The following EXPH5 variants were observed in gnomAD, a reference collection of about 807,000 sequenced individuals.
EXPH5 encodes the protein exophilin-5.
In EXPH5, 42 loss-of-function variants were observed where a neutral mutation model predicts 41.1. The observed-to-expected ratio is 1.02, with a 90% CI of 0.80 to 1.32. The LOEUF is 1.32. EXPH5 is among the 40% of genes most tolerant of loss of function. The pLI is 0.00. For synonymous variants in EXPH5, 798 were observed against 833.5 expected (o/e 0.96, Z 0.73); for missense variants, 2,298 against 2,314.5 (o/e 0.99, Z 0.15).
chr11:108,549,114 A>G (rs1364681014), intron 1 of EXPH5, among the ~76,000 whole-genome samples: 2 of 152,264 alleles, frequency 1.3e-5, no homozygotes, highest in Non-Finnish European at 2.9e-5. Flanking sequence ...ACATACATAC[A>G]GGGAAATTAC....
chr11:108,586,201 C>T lies in EXPH5; in HGVS notation c.119+7217G>A, dbSNP rs1314875352. Among the ~76,000 whole-genome samples, 10 of 152,066 alleles carry T rather than the reference C, an allele frequency of 6.6e-5. 1 individual carries two copies. In the East Asian group the frequency reaches 9.7e-4, roughly 15 times the overall value. On this transcript the variant is annotated intron_variant, in intron 1 of 5. Coordinates refer to ENST00000265843, the MANE Select transcript of EXPH5 (RefSeq NM_015065.3). ...GAAACCTCAAGTGATTCTCCTACCT[C>T]GGCCTCCCGAAGTGTTGGGATTACA...
At position 108,511,683 on chromosome 11, in the gene EXPH5, G is replaced by A. The variant is rs748348464; in HGVS notation, c.3824C>T (p.Thr1275Ile). The change falls in exon 6 of 6, where the codon ACT becomes ATT. Residue 1275 changes from threonine to isoleucine, a missense_variant. Coordinates refer to ENST00000265843, the MANE Select transcript of EXPH5 (RefSeq NM_015065.3). ...TTGAGGTGATTCTATAAGTAAATTAGTATTTTGTGTATACTGTTGAAGGAG... is the reference window on the plus strand; with the variant it reads ...TTGAGGTGATTCTATAAGTAAATTAATATTTTGTGTATACTGTTGAAGGAG... ...CNLLQQYTQNTNLLIESPQVE... is the reference protein window; with the variant it reads ...CNLLQQYTQNINLLIESPQVE... The A allele has an allele frequency of 1.2e-6, 2 of 1,604,332 alleles. No individual in the cohort carries two copies. The highest frequency in any genetic ancestry group is 4.5e-5 in the East Asian group (2 of 44,874).
chr11:108,517,988 A>G (rs985579494), intron 5 of EXPH5, among the ~76,000 whole-genome samples: 1 of 152,148 alleles, frequency 6.6e-6, no homozygotes, highest in Non-Finnish European at 1.5e-5. Flanking sequence ...AATATTAAAC[A>G]TTATTACTAC....
At chr11:108,528,264 A>G in intron 3 of EXPH5, 80 bp from the exon 4 acceptor site, 5 of 965,744 alleles carry the variant, frequency 5.2e-6, no homozygotes, top group Admixed American at 1.8e-5. Flanking sequence ...CACATTTGCC[A>G]TAAGATTTTG....
At chr11:108,560,814 G>A (rs1213582038) in intron 1 of EXPH5, among the ~76,000 whole-genome samples, 1 of 152,098 alleles carries the variant, frequency 6.6e-6, no homozygotes, top group Non-Finnish European at 1.5e-5. Context: ...TTGATTTTGT[G>A]TAAAAGATAT....
At chr11:108,582,150 C>T (rs778819039) in intron 1 of EXPH5, among the ~76,000 whole-genome samples, 4 of 152,164 alleles carry the variant, frequency 2.6e-5, no homozygotes, top group Non-Finnish European at 4.4e-5. Context: ...GCTAGAATTA[C>T]TGACACCAAA....
intron 1 of EXPH5, among the ~76,000 whole-genome samples, chr11:108,577,493 G>A (rs918079577): frequency 4.0e-5 from 6 of 151,678 alleles, no homozygotes; most frequent in South Asian, 2.1e-4. Context: ...GCGCGATCTC[G>A]GCTCACTGCA....
upstream of EXPH5, among the ~76,000 whole-genome samples, chr11:108,598,202 C>A (rs555049814): frequency 3.2e-4 from 49 of 152,256 alleles, no homozygotes; most frequent in African/African-American, 1.1e-3. Flanking sequence ...GAAGAACTTA[C>A]GTGTACAAAT....
chr11:108,571,469 T>C (rs1032731721), intron 1 of EXPH5, among the ~76,000 whole-genome samples: 1 of 152,146 alleles, frequency 6.6e-6, no homozygotes, highest in Non-Finnish European at 1.5e-5. Flanking sequence ...AGAAGGCCAT[T>C]GTCAGAATTC....
intron 1 of EXPH5, among the ~76,000 whole-genome samples, chr11:108,557,588 T>C (rs2093995464): frequency 1.3e-5 from 2 of 152,156 alleles, no homozygotes; most frequent in Non-Finnish European, 2.9e-5. Context: ...CCTCAAGTGA[T>C]TCGTTCTCCT....
rs1416357854 is a variant in EXPH5, at chr11:108,518,389, A to G, written c.493-16T>C. 2 of 1,612,316 alleles carry G rather than the reference A, an allele frequency of 1.2e-6. No homozygotes were observed. Among genetic ancestry groups the G allele is most frequent in the East Asian group, 2.2e-5 (1 of 44,860 alleles). On this transcript the variant is annotated splice_polypyrimidine_tract_variant and intron_variant, in intron 4 of 5. Coordinates refer to ENST00000265843, the MANE Select transcript of EXPH5 (RefSeq NM_015065.3). ...TTTTTGCCTGCTAATTTTAAAGCAG[A>G]GAACACAATATTATTTCTGAGCCTT...
At position 108,593,701 on chromosome 11, in the gene EXPH5, G is replaced by A. The variant is rs760487608; in HGVS notation, c.-165C>T. 8.4e-6 allele frequency: 13 copies of A among 1,544,568 alleles called. No individual in the cohort carries two copies. Reference sequence around the variant, plus strand: ...ACAAACCTAGGGAACGCCCACACCTGAAGGGCTCATATTGACAATACCTTA... The same window carrying A: ...ACAAACCTAGGGAACGCCCACACCTAAAGGGCTCATATTGACAATACCTTA... On this transcript the variant is annotated 5_prime_UTR_variant, in exon 1 of 6. Coordinates refer to ENST00000265843, the MANE Select transcript of EXPH5 (RefSeq NM_015065.3).
intron 3 of EXPH5, among the ~76,000 whole-genome samples, chr11:108,532,368 T>TATACATATATATA (rs1565800742): frequency 3.7e-5 from 1 of 27,162 alleles, no homozygotes; most frequent in Non-Finnish European, 6.2e-5. Context: ...ATATATATAT[T>TATACATATATATA]TTTTTTTTTT....
chr11:108,514,733 C>T lies in EXPH5; in HGVS notation c.774G>A (p.Arg258=), dbSNP rs2093712337. 6.2e-7 allele frequency: 1 copy of T among 1,610,062 alleles called. No homozygotes were observed. The highest frequency in any genetic ancestry group is 8.5e-7 in the Non-Finnish European group (1 of 1,178,848). The change falls in exon 6 of 6, where the codon AGG becomes AGA. Residue 258 remains arginine (R), a synonymous_variant. Coordinates refer to ENST00000265843, the MANE Select transcript of EXPH5 (RefSeq NM_015065.3). ...SGNRHGNITE[R]HKKHYNETSN... is the part of the protein sequence containing the mutation. ...AAGTTTCATTATAGTGTTTTTTGTGCCTTTCTGTGATATTACCATGTCTGT... is the reference window on the plus strand; with the variant it reads ...AAGTTTCATTATAGTGTTTTTTGTGTCTTTCTGTGATATTACCATGTCTGT...
At chr11:108,582,506 A>G (rs1403605576) in intron 1 of EXPH5, among the ~76,000 whole-genome samples, 2 of 152,058 alleles carry the variant, frequency 1.3e-5, no homozygotes, top group Non-Finnish European at 2.9e-5. Flanking sequence ...AAAACTATAT[A>G]TCAGTACCTC....
chr11:108,593,694 C>A lies in EXPH5; in HGVS notation c.-158G>T. On this transcript the variant is annotated 5_prime_UTR_variant, in exon 1 of 6. Coordinates refer to ENST00000265843, the MANE Select transcript of EXPH5 (RefSeq NM_015065.3). ...TAAAACCACAAACCTAGGGAACGCCCACACCTGAAGGGCTCATATTGACAA... is the reference window on the plus strand; with the variant it reads ...TAAAACCACAAACCTAGGGAACGCCAACACCTGAAGGGCTCATATTGACAA... The A allele has an allele frequency of 6.5e-7, 1 of 1,548,284 alleles. No homozygotes were observed.
rs770045829 is a variant in EXPH5, at chr11:108,511,692, G to A, written c.3815C>T (p.Thr1272Ile). The change falls in exon 6 of 6, where the codon ACA (threonine) becomes ATA (isoleucine). Residue 1272 changes from threonine (T) to isoleucine (I), a missense_variant. By Grantham distance (89) the Thr-to-Ile change is moderately conservative (BLOSUM62 -1). Transcript: ENST00000265843. ...KKFCNLLQQYTQNTNLLIESP... is the reference protein window; with the variant it reads ...KKFCNLLQQYIQNTNLLIESP... Reference sequence around the variant, plus strand: ...TTCTATAAGTAAATTAGTATTTTGTGTATACTGTTGAAGGAGGTTACAGAA... The same window carrying A: ...TTCTATAAGTAAATTAGTATTTTGTATATACTGTTGAAGGAGGTTACAGAA... The A allele has an allele frequency of 2.5e-6, 4 of 1,606,308 alleles. No homozygotes were observed. In the Admixed American group the frequency reaches 5.2e-5, roughly 21 times the overall value.
chr11:108,524,222 G>A (rs1397230644), intron 4 of EXPH5, among the ~76,000 whole-genome samples: 1 of 152,220 alleles, frequency 6.6e-6, no homozygotes, highest in Non-Finnish European at 1.5e-5. Flanking sequence ...CTTTGGGCAA[G>A]TTATCTAATC....
At chr11:108,603,736 C>T in the EXPH5 span, among the ~76,000 whole-genome samples, 5 of 152,218 alleles carry the variant, frequency 3.3e-5, no homozygotes, top group African/African-American at 1.2e-4. Context: ...GATACAACCA[C>T]TCTGTTCTGA....
Sources: gnomAD v4.1 joint callset for allele counts (sites outside exome capture counted in the v4.1 genomes callset) on GRCh38, gnomAD v4.1.1 for gene constraint, MANE v1.5 for transcripts, NCBI Gene and HGNC (gene_info 2026-07-23, HGNC 2026-07-21) for gene names.